PCDHGA2: variants seen among roughly 807,000 people sequenced by gnomAD.
PCDHGA2 encodes protocadherin gamma subfamily A, 2, also known as protocadherin gamma-A2.
In PCDHGA2, 40 loss-of-function variants were observed where a neutral mutation model predicts 59.2. The observed-to-expected ratio is 0.68, with a 90% CI of 0.52 to 0.88. The LOEUF is 0.88. Ranked by LOEUF, PCDHGA2 falls within the 40% of genes least tolerant of loss-of-function variation. The pLI, the probability that PCDHGA2 is intolerant of heterozygous loss-of-function variation, is 0.00. For missense variants in PCDHGA2, 1,226 were observed against 1,204.0 expected, an observed-to-expected ratio of 1.02 and a Z score of -0.27; for synonymous variants, 560 against 526.0, an observed-to-expected ratio of 1.06 and a Z score of -0.89.
At chr5:141,403,786 A>G (rs1317253233) in intron 1 of PCDHGA2, 1 of 1,613,848 alleles carries the variant, frequency 6.2e-7, no homozygotes, top group African/African-American at 1.3e-5. Flanking sequence ...GAAAAGTGGC[A>G]TACAAATTCT....
chr5:141,366,653 T>C (rs1764716259), intron 1 of PCDHGA2: 3 of 1,614,122 alleles, frequency 1.9e-6, no homozygotes, highest in Non-Finnish European at 1.7e-6. Context: ...CCAGCCCAAC[T>C]ACGCAGACAC....
intron 1 of PCDHGA2, chr5:141,417,592 TG>T: frequency 2.1e-6 from 1 of 485,078 alleles, no homozygotes; most frequent in Non-Finnish European, 3.5e-6. Context: ...ACAGAGCCTC[TG>T]GGCGCCGCCG....
At chr5:141,398,375 A>C in intron 1 of PCDHGA2, 2 of 1,437,542 alleles carry the variant, frequency 1.4e-6, no homozygotes, top group East Asian at 4.7e-5. Flanking sequence ...GAGAGCGGGG[A>C]GTTGCTTGTG....
rs543209695 is a variant in PCDHGA2 at position 141,431,563 on chromosome 5, C to T, written c.2425-63244C>T. 24 of 1,614,026 alleles carry T rather than the reference C, an allele frequency of 1.5e-5. No individual in the cohort carries two copies. Among genetic ancestry groups the T allele is most frequent in the Non-Finnish European group, 1.9e-5 (23 of 1,180,046 alleles). ...AGCTGCTTGTAGTCAACGCTACCGA[C>T]CCTGACGAAGGAGTCAATGCGGAAG... On this transcript the variant is annotated intron_variant, in intron 1 of 3. Transcript: ENST00000394576. The surrounding 1 kb of genome is among the most constrained non-coding windows in gnomAD (Gnocchi z 4.8).
intron 1 of PCDHGA2, chr5:141,408,637 T>C (rs766685548): frequency 4.3e-6 from 7 of 1,614,044 alleles, no homozygotes; most frequent in Non-Finnish European, 5.9e-6. Context: ...TTTTCGAATC[T>C]GCATCCGCTG....
chr5:141,402,937 C>A, intron 1 of PCDHGA2: 2 of 1,588,498 alleles, frequency 1.3e-6, no homozygotes, highest in Non-Finnish European at 1.7e-6. Flanking sequence ...TGAGAAAATT[C>A]CAAAGCGAGG....
In PCDHGA2 at chr5:141,346,118, G is replaced by A. The variant is rs772020580; in HGVS notation, c.2424+4723G>A. ...CGGACCTCACTCTGTACCTGGTGGT[G>A]GCGGTGGCCGCGGTCTCCTGCGTCT... On this transcript the variant is annotated intron_variant, in intron 1 of 3. Transcript: ENST00000394576. 19 of 1,613,796 alleles carry A rather than the reference G, an allele frequency of 1.2e-5. No individual in the cohort carries two copies. In the South Asian group the frequency reaches 1.3e-4, roughly 11 times the overall value.
intron 1 of PCDHGA2, among the ~76,000 whole-genome samples, chr5:141,443,726 TAC>T: frequency 6.6e-6 from 1 of 152,262 alleles, no homozygotes; most frequent in Admixed American, 6.5e-5. Flanking sequence ...AAATTCCTCA[TAC>T]ATTTCCCTAT....
At chr5:141,372,341 A>G (rs1382612317) in intron 1 of PCDHGA2, 1 of 1,613,800 alleles carries the variant, frequency 6.2e-7, no homozygotes, top group Non-Finnish European at 8.5e-7. Context: ...TGCGTGATGG[A>G]GGACAGCAGC....
At chr5:141,390,536 C>T (rs2092171598) in intron 1 of PCDHGA2, 1 of 522,874 alleles carries the variant, frequency 1.9e-6, no homozygotes, top group Non-Finnish European at 3.4e-6. Context: ...TGGTTTTAAC[C>T]ACAAAGTGAA....
At chr5:141,465,318 A>G (rs1440554123) in intron 1 of PCDHGA2, among the ~76,000 whole-genome samples, 1 of 152,198 alleles carries the variant, frequency 6.6e-6, no homozygotes, top group Non-Finnish European at 1.5e-5. Flanking sequence ...AGCCATGTCA[A>G]TGCAGTATTT....
intron 1 of PCDHGA2, chr5:141,375,149 A>G (rs1340397113): frequency 6.2e-7 from 1 of 1,613,944 alleles, no homozygotes. Flanking sequence ...AAGCAGAACA[A>G]TTGCTGAAAG....
intron 1 of PCDHGA2, chr5:141,356,341 C>T (rs1022494499): frequency 4.5e-6 from 7 of 1,554,834 alleles, no homozygotes; most frequent in Non-Finnish European, 6.1e-6. Context: ...AGGAAATGGC[C>T]TAGTCACATG....
At chr5:141,429,559 A>G (rs2097222911) in intron 1 of PCDHGA2, among the ~76,000 whole-genome samples, 2 of 152,146 alleles carry the variant, frequency 1.3e-5, no homozygotes, top group Admixed American at 6.5e-5. Context: ...TGATTTGATA[A>G]TATTCAGTTA....
At chr5:141,457,784 T>G (rs1021614051) in intron 1 of PCDHGA2, among the ~76,000 whole-genome samples, 1 of 152,210 alleles carries the variant, frequency 6.6e-6, no homozygotes, top group Non-Finnish European at 1.5e-5. Flanking sequence ...TACCTGTGAG[T>G]TGGGTTATCC....
chr5:141,341,496 A>T, intron 1 of PCDHGA2, 101 bp downstream of exon 1: 2 of 1,558,204 alleles, frequency 1.3e-6, no homozygotes, highest in Non-Finnish European at 1.7e-6. Flanking sequence ...CCTTGAGGGT[A>T]GAGTCAAGTT....
At chr5:141,371,509 A>G (rs768507307) in intron 1 of PCDHGA2, 3 of 1,613,878 alleles carry the variant, frequency 1.9e-6, no homozygotes, top group South Asian at 2.2e-5. Context: ...ATCAAAACAC[A>G]TGATCTAGAT....
At chr5:141,495,278 C>A (rs2099760057) in intron 2 of PCDHGA2, among the ~76,000 whole-genome samples, 1 of 152,174 alleles carries the variant, frequency 6.6e-6, no homozygotes, top group Non-Finnish European at 1.5e-5. Context: ...CCGGAGGAGG[C>A]GGTCCGCACT....
chr5:141,475,162 G>T (rs949339969), intron 1 of PCDHGA2, among the ~76,000 whole-genome samples: 2 of 152,034 alleles, frequency 1.3e-5, no homozygotes, highest in South Asian at 4.1e-4. Flanking sequence ...TTCTTCATTA[G>T]CAGTGCAACT....
Sources: allele counts gnomAD v4.1 joint callset (sites outside exome capture counted in the v4.1 genomes callset), GRCh38; gene constraint gnomAD v4.1.1; non-coding constraint Gnocchi (gnomAD v3.1); transcripts MANE v1.5; gene names NCBI Gene and HGNC (gene_info 2026-07-23, HGNC 2026-07-21).